The following ELMO1 variants were observed in gnomAD, a reference collection of about 807,000 sequenced individuals.
ELMO1 encodes engulfment and cell motility 1, also known as engulfment and cell motility protein 1.
Under a neutral mutation model 98.9 loss-of-function variants are expected in ELMO1, and 26 were observed. The ratio of observed to expected loss-of-function variants is 0.26; its 90% CI spans 0.19 to 0.36. ELMO1 has a LOEUF of 0.36. Among genes scored for constraint, ELMO1 ranks in the 10% least tolerant of loss-of-function variants. ELMO1 has a pLI of 1.00. For missense variants in ELMO1, 627 were observed against 935.2 expected, an observed-to-expected ratio of 0.67 and a Z score of 4.30; for synonymous variants, 346 against 346.0, an observed-to-expected ratio of 1.00 and a Z score of 0.00.
intron 16 of ELMO1, among the ~76,000 whole-genome samples, chr7:36,956,267 C>T (rs986140903): frequency 6.6e-6 from 1 of 152,180 alleles, no homozygotes; most frequent in Non-Finnish European, 1.5e-5. Flanking sequence ...CATGGGACTA[C>T]AGCCTTCCTT....
At chr7:37,045,130 T>C (rs922485086) in intron 15 of ELMO1, among the ~76,000 whole-genome samples, 4 of 152,188 alleles carry the variant, frequency 2.6e-5, no homozygotes, top group Admixed American at 2.6e-4. Context: ...CCAGACCACC[T>C]GGAATAGAAA....
At chr7:37,427,655 C>T (rs1328054028) in intron 1 of ELMO1, among the ~76,000 whole-genome samples, 1 of 152,228 alleles carries the variant, frequency 6.6e-6, no homozygotes, top group Non-Finnish European at 1.5e-5. Context: ...GATAATATCG[C>T]TATTTTTGCT....
chr7:36,999,756 G>A (rs1792503051), intron 16 of ELMO1, among the ~76,000 whole-genome samples: 2 of 152,094 alleles, frequency 1.3e-5, no homozygotes, highest in South Asian at 4.1e-4. Context: ...AGTTGCATAT[G>A]GCTCCATGTC....
chr7:37,173,876 T>C (rs1790341289), intron 13 of ELMO1, among the ~76,000 whole-genome samples: 1 of 152,210 alleles, frequency 6.6e-6, no homozygotes, highest in Non-Finnish European at 1.5e-5. Flanking sequence ...AACCACATGG[T>C]GGTGGCTGCC....
intron 13 of ELMO1, among the ~76,000 whole-genome samples, chr7:37,189,197 T>C (rs898636188): frequency 1.1e-4 from 17 of 152,192 alleles, no homozygotes; most frequent in Non-Finnish European, 2.4e-4. Flanking sequence ...ACATGAAAGA[T>C]TCAAACTGCA....
rs374306557 is a variant in ELMO1 at position 37,064,457 on chromosome 7, C to A, written c.1300+32162G>T. ...CAATCCTGGGTCCAAGGTTTGACAGCCAGTGGGCCTTGGGCTAACTACTTC... is the reference window on the plus strand; with the variant it reads ...CAATCCTGGGTCCAAGGTTTGACAGACAGTGGGCCTTGGGCTAACTACTTC... On this transcript the variant is annotated intron_variant, in intron 15 of 21. Transcript: ENST00000310758. 7.0e-4 allele frequency among the ~76,000 whole-genome samples: 106 copies of A among 152,242 alleles called. 2 individuals are homozygous for A. In the South Asian group the frequency reaches 0.022, roughly 31 times the overall value.
intron 18 of ELMO1, among the ~76,000 whole-genome samples, chr7:36,882,107 G>C (rs1450785619): frequency 1.3e-5 from 2 of 152,196 alleles, no homozygotes; most frequent in Non-Finnish European, 2.9e-5. Context: ...GACTGCCATG[G>C]AATCAGGACA....
In ELMO1 at chr7:37,388,857, T is replaced by C. The variant is rs57509987; in HGVS notation, c.-73-46094A>G. The stretch of plus-strand genomic sequence containing the variant: ...CGTCACCTGACCCACACAAAAGACG[T>C]TCTGCATGTCAACAAGAGCTTTGGG... On this transcript the variant is annotated intron_variant, in intron 1 of 21. Coordinates refer to ENST00000310758, the MANE Select transcript of ELMO1 (RefSeq NM_014800.11). Among the ~76,000 whole-genome samples the C allele has an allele frequency of 1.4e-4, 21 of 152,292 alleles. No homozygotes were observed. In the East Asian group the frequency reaches 4.1e-3, roughly 29 times the overall value.
chr7:37,254,802 C>CT (rs1171970331), intron 6 of ELMO1, among the ~76,000 whole-genome samples: 1 of 152,140 alleles, frequency 6.6e-6, no homozygotes. Flanking sequence ...TGTGATACTC[C>CT]TTTTTTTAAG....
intron 19 of ELMO1, among the ~76,000 whole-genome samples, chr7:36,874,174 T>G (rs56112841): frequency 0.036 from 5,559 of 152,350 alleles, 167 homozygotes; most frequent in South Asian, 0.15. Context: ...TGTCTGCAAT[T>G]TGTAACTCTA....
chr7:37,171,730 G>T (rs998862272), intron 13 of ELMO1, among the ~76,000 whole-genome samples: 3 of 151,880 alleles, frequency 2.0e-5, no homozygotes. Context: ...CTGACCTCGT[G>T]ATCTGCCCAC....
chr7:37,401,895 A>G (rs1803553770), intron 1 of ELMO1, among the ~76,000 whole-genome samples: 1 of 152,184 alleles, frequency 6.6e-6, no homozygotes, highest in African/African-American at 2.4e-5. Flanking sequence ...TGAGAAGAAG[A>G]ACCTGATCAA....
intron 8 of ELMO1, among the ~76,000 whole-genome samples, chr7:37,230,468 A>G (rs1202588843): frequency 6.6e-6 from 1 of 152,170 alleles, no homozygotes; most frequent in Non-Finnish European, 1.5e-5. Context: ...CACCCTGACC[A>G]TGTGACCAAG....
chr7:37,283,193 G>A (rs1797228103), intron 4 of ELMO1, among the ~76,000 whole-genome samples: 1 of 152,144 alleles, frequency 6.6e-6, no homozygotes, highest in African/African-American at 2.4e-5. Context: ...CTCCTTCAGT[G>A]TTTTAATCAA....
At chr7:37,001,362 A>G (rs1053424090) in intron 16 of ELMO1, among the ~76,000 whole-genome samples, 2 of 152,202 alleles carry the variant, frequency 1.3e-5, no homozygotes, top group Admixed American at 6.5e-5. Context: ...TCATTGAATT[A>G]AACATTTCTG....
chr7:36,959,673 T>C (rs1285871815), intron 16 of ELMO1, among the ~76,000 whole-genome samples: 2 of 152,122 alleles, frequency 1.3e-5, no homozygotes. Context: ...TTTCAAAAAG[T>C]TTCTCTAATT....
Position 37,002,549 on chromosome 7 carries a change from T to C in ELMO1, c.1437+10750A>G. 1.3e-5 allele frequency among the ~76,000 whole-genome samples: 2 copies of C among 152,214 alleles called. 1 individual carries two copies. The highest frequency in any genetic ancestry group is 3.8e-4 in the East Asian group (2 of 5,204). The stretch of plus-strand genomic sequence containing the variant: ...TCACAAAGAGGGACTAGCCCATAAA[T>C]TTCTAAGTAGAAACTTACTAGACTG... On this transcript the variant is annotated intron_variant, in intron 16 of 21. Coordinates refer to ENST00000310758, the MANE Select transcript of ELMO1 (RefSeq NM_014800.11).
At chr7:37,002,374 G>A (rs980875681) in intron 16 of ELMO1, among the ~76,000 whole-genome samples, 2 of 152,246 alleles carry the variant, frequency 1.3e-5, no homozygotes, top group African/African-American at 2.4e-5. Context: ...GGATTTGGAA[G>A]TATGCTACTA....
At chr7:37,170,798 G>A (rs2129798537) in intron 13 of ELMO1, among the ~76,000 whole-genome samples, 1 of 151,930 alleles carries the variant, frequency 6.6e-6, no homozygotes, top group South Asian at 2.1e-4. Flanking sequence ...GTAGAGACGG[G>A]GTTTCAACAT....
Sources: allele counts gnomAD v4.1 joint callset (sites outside exome capture counted in the v4.1 genomes callset), GRCh38; gene constraint gnomAD v4.1.1; transcripts MANE v1.5; gene names NCBI Gene and HGNC (gene_info 2026-07-23, HGNC 2026-07-21).